The following ATG7 variants were observed in gnomAD, a reference collection of about 807,000 sequenced individuals.
ATG7 encodes the protein ubiquitin-like modifier-activating enzyme ATG7.
ATG7 carries 70 observed loss-of-function variants against 82.4 expected under a neutral mutation model. The observed-to-expected ratio is 0.85, with a 90% CI of 0.70 to 1.04. The LOEUF is 1.04. ATG7 is among the 50% of genes least tolerant of loss of function. The probability of loss-of-function intolerance (pLI) is 0.00; values close to 1 mark genes in which losing one functional copy is unlikely to be tolerated. For missense variants in ATG7, 792 were observed against 864.3 expected (o/e 0.92, Z 1.05); for synonymous variants, 287 against 313.0 (o/e 0.92, Z 0.88).
chr3:11,446,824 C>T (rs1034282908), intron 20 of ATG7: 1 of 182,026 alleles, frequency 5.5e-6, no homozygotes, highest in African/African-American at 2.4e-5. Flanking sequence ...GTCTCCTGGA[C>T]TGGGCCATGA....
chr3:11,381,427 A>G (rs1226194719), intron 19 of ATG7, among the ~76,000 whole-genome samples: 1 of 152,254 alleles, frequency 6.6e-6, no homozygotes, highest in African/African-American at 2.4e-5. Context: ...TGGCTAGTCA[A>G]TGAAATAAAG....
intron 20 of ATG7, among the ~76,000 whole-genome samples, chr3:11,492,267 A>G (rs2090433133): frequency 6.6e-6 from 1 of 151,436 alleles, no homozygotes; most frequent in African/African-American, 2.4e-5. Context: ...AGGCAAGGGA[A>G]CTCCCTGACC....
intron 20 of ATG7, among the ~76,000 whole-genome samples, chr3:11,527,049 G>A (rs1306717701): frequency 9.8e-5 from 6 of 61,462 alleles, no homozygotes; most frequent in African/African-American, 1.3e-4. Context: ...ATATGTGTGT[G>A]TGTGTGTGTG....
At chr3:11,518,325 T>C (rs1239153699) in intron 20 of ATG7, among the ~76,000 whole-genome samples, 1 of 152,152 alleles carries the variant, frequency 6.6e-6, no homozygotes, top group African/African-American at 2.4e-5. Flanking sequence ...GGTGGGTGGA[T>C]CACAAGGTCA....
At chr3:11,364,852 G>A (rs1559476050) in intron 18 of ATG7, 118 bp downstream of exon 18, 11 of 1,074,690 alleles carry the variant, frequency 1.0e-5, no homozygotes, top group East Asian at 4.9e-5. Flanking sequence ...CCCTGCAGCT[G>A]GGATTTCAAT....
intron 20 of ATG7, chr3:11,477,160 G>A: frequency 7.8e-7 from 1 of 1,289,790 alleles, no homozygotes; most frequent in South Asian, 1.2e-5. Flanking sequence ...GGCTCTGGAT[G>A]AAGCAGGAGA....
chr3:11,306,421 C>A (rs1947747653), intron 5 of ATG7, among the ~76,000 whole-genome samples: 1 of 152,208 alleles, frequency 6.6e-6, no homozygotes. Context: ...GTGGAGATAG[C>A]TTTCCGGAAG....
intron 14 of ATG7, 186 bp downstream of exon 14, chr3:11,348,221 A>C: frequency 2.7e-6 from 2 of 740,172 alleles, no homozygotes; most frequent in Non-Finnish European, 4.2e-6. Context: ...CAGGTCAGGC[A>C]TGGTGGCTCA....
At chr3:11,277,860 A>C (rs1233701323) in intron 1 of ATG7, among the ~76,000 whole-genome samples, 1 of 147,682 alleles carries the variant, frequency 6.8e-6, no homozygotes, top group Non-Finnish European at 1.5e-5. Context: ...CAACTGCGTA[A>C]GACAGACACT....
At chr3:11,563,524 C>T in the ATG7 span, among the ~76,000 whole-genome samples, 1 of 152,190 alleles carries the variant, frequency 6.6e-6, no homozygotes, top group African/African-American at 2.4e-5. Flanking sequence ...TCCCTGTGGC[C>T]GTGACAGTGT....
At chr3:11,310,134 C>T (rs939042536) in intron 7 of ATG7, among the ~76,000 whole-genome samples, 2 of 151,082 alleles carry the variant, frequency 1.3e-5, no homozygotes, top group African/African-American at 4.9e-5. Flanking sequence ...CACTGCACTC[C>T]AGCCTGGACA....
intron 20 of ATG7, among the ~76,000 whole-genome samples, chr3:11,464,985 T>C (rs1175631708): frequency 6.6e-6 from 1 of 152,128 alleles, no homozygotes; most frequent in Non-Finnish European, 1.5e-5. Flanking sequence ...ACATCTATCA[T>C]CATCGTCATC....
intron 16 of ATG7, among the ~76,000 whole-genome samples, chr3:11,361,339 C>T (rs2076272049): frequency 6.6e-6 from 1 of 150,600 alleles, no homozygotes; most frequent in Non-Finnish European, 1.5e-5. Context: ...GGCTCGAGTG[C>T]AGTGGCACAA....
Position 11,364,677 on chromosome 3 carries a change from C to A in ATG7, c.1818C>A (p.Ser606Arg). Residue 606 changes from serine to arginine, a missense_variant, in exon 18 of 21, where the codon AGC becomes AGA. Ser to Arg is a moderately radical substitution (Grantham distance 110). Transcript: ENST00000693202. ...QHPEGGYAIA[S>R]SSDDRMNEPP... is the part of the protein sequence containing the mutation. ...TCCTCAGGGGCTATGCCATTGCCAG[C>A]AGCAGTGACGATCGGATGAATGAGC... The A allele has an allele frequency of 6.2e-7, 1 of 1,614,146 alleles. No homozygotes were observed. Among genetic ancestry groups the A allele is most frequent in the Non-Finnish European group, 8.5e-7 (1 of 1,180,002 alleles).
At chr3:11,327,843 G>A (rs1006629047) in intron 9 of ATG7, among the ~76,000 whole-genome samples, 1 of 152,192 alleles carries the variant, frequency 6.6e-6, no homozygotes, top group African/African-American at 2.4e-5. Context: ...TTATTAAAAT[G>A]CAAACTCTGA....
rs528292854 is a variant in ATG7, at chr3:11,432,990, C to T, written c.2079+6064C>T. The stretch of plus-strand genomic sequence containing the variant: ...AGCTATTGAGGTTCTCCCCAAGTAT[C>T]TTTTAAATTGCTGCATTTGGGATGG... On this transcript the variant is annotated intron_variant, in intron 20 of 20. Transcript: ENST00000693202. Among the ~76,000 whole-genome samples the T allele has an allele frequency of 2.0e-5, 3 of 152,208 alleles. 1 individual carries two copies. Among genetic ancestry groups the T allele is most frequent in the African/African-American group, 7.2e-5 (3 of 41,556 alleles).
intron 18 of ATG7, among the ~76,000 whole-genome samples, chr3:11,375,983 A>G (rs1457857771): frequency 5.3e-5 from 8 of 152,254 alleles, no homozygotes; most frequent in Admixed American, 3.9e-4. Context: ...TCATCTACTG[A>G]TGAATTGCTA....
chr3:11,392,905 C>T (rs1436639337), intron 19 of ATG7, among the ~76,000 whole-genome samples: 2 of 152,148 alleles, frequency 1.3e-5, no homozygotes, highest in Middle Eastern at 3.2e-3. Context: ...AATTTTGCCA[C>T]AGATAAGAAC....
rs201772380 is a variant in ATG7 at position 11,398,084 on chromosome 3, C to CAAA, written c.1956+18042_1956+18044dup. On this transcript the variant is annotated intron_variant, in intron 19 of 20. Transcript: ENST00000693202. ...GGGGGACAGAGCAAGACTCTGTCTC[C>CAAA]AAAAAAAAAAAAGGAAAATTTTAAT... 2.8e-5 allele frequency among the ~76,000 whole-genome samples: 3 copies of CAAA among 107,284 alleles called. No homozygotes were observed. In the South Asian group the frequency reaches 9.1e-4, roughly 32 times the overall value. The allele number at this position is 107,284 out of a possible 152,430, so 70.4% of individuals were successfully genotyped here. A position where few individuals can be genotyped will look rare whatever the true frequency, so the allele number is the denominator to read the frequency against.
Sources: allele counts gnomAD v4.1 joint callset (sites outside exome capture counted in the v4.1 genomes callset), GRCh38; gene constraint gnomAD v4.1.1; transcripts MANE v1.5; gene names NCBI Gene and HGNC (gene_info 2026-07-23, HGNC 2026-07-21).